Variants in ADGRD1 observed in about 807,000 individuals in gnomAD.
ADGRD1 encodes G-protein coupled receptor 133.
In ADGRD1, 77 loss-of-function variants were observed where a neutral mutation model predicts 113.4. That is an observed-to-expected ratio of 0.68 (90% CI 0.57 to 0.82). The LOEUF (loss-of-function observed/expected upper bound fraction) is 0.82. Among genes scored for constraint, ADGRD1 ranks in the 40% least tolerant of loss-of-function variants. The pLI is 0.00. For synonymous variants in ADGRD1, 474 were observed against 475.0 expected, an observed-to-expected ratio of 1.00 and a Z score of 0.03; for missense variants, 1,036 against 1,139.1, an observed-to-expected ratio of 0.91 and a Z score of 1.30.
intron 18 of ADGRD1, among the ~76,000 whole-genome samples, chr12:131,110,705 T>G (rs1005486880): frequency 2.6e-5 from 4 of 152,244 alleles, no homozygotes; most frequent in African/African-American, 9.6e-5. Flanking sequence ...TCTGGTGGTG[T>G]TGCTTGCTAT....
intron 15 of ADGRD1, among the ~76,000 whole-genome samples, chr12:131,101,083 C>T (rs767730951): frequency 4.6e-5 from 7 of 152,140 alleles, no homozygotes; most frequent in African/African-American, 7.2e-5. Context: ...CAGGGCTTCC[C>T]GTGTCCCTGG....
At position 131,084,859 on chromosome 12, in the gene ADGRD1, A is replaced by G. The variant is rs1886343723; in HGVS notation, c.1671+196A>G. Among the ~76,000 whole-genome samples the G allele has an allele frequency of 6.6e-6, 1 of 152,190 alleles. No individual in the cohort carries two copies. Among genetic ancestry groups the G allele is most frequent in the Non-Finnish European group, 1.5e-5 (1 of 68,034 alleles). ...CTGCATGTATTGGGTGCCAGCAAATATCCGAGGAGCCCATGATTGTGTAAA... is the reference window on the plus strand; with the variant it reads ...CTGCATGTATTGGGTGCCAGCAAATGTCCGAGGAGCCCATGATTGTGTAAA... On this transcript the variant is annotated intron_variant, in intron 15 of 24. Transcript: ENST00000261654. The surrounding 1 kb of genome is among the most constrained non-coding windows in gnomAD (Gnocchi z 4.5).
chr12:131,098,809 C>T (rs1023918701), intron 15 of ADGRD1, among the ~76,000 whole-genome samples: 1 of 152,342 alleles, frequency 6.6e-6, no homozygotes, highest in African/African-American at 2.4e-5. Flanking sequence ...TCACCCGCTT[C>T]CCCACTGCAA....
At position 130,971,665 on chromosome 12, in the gene ADGRD1, C is replaced by T. The variant is rs2136536118; in HGVS notation, c.310+85C>T. On this transcript the variant is annotated intron_variant, in intron 4 of 24. Transcript: ENST00000261654. This position sits in a 1 kb window ranked among gnomAD's most constrained non-coding sequence, Gnocchi z 4.2. Reference sequence around the variant, plus strand: ...TCCTCTGGTGACTGGAAGATGTGAACCTGAGGTTCTCATCAATTGCAGAAT... The same window carrying T: ...TCCTCTGGTGACTGGAAGATGTGAATCTGAGGTTCTCATCAATTGCAGAAT... 7.1e-7 allele frequency: 1 copy of T among 1,414,936 alleles called. No homozygotes were observed. Among genetic ancestry groups the T allele is most frequent in the East Asian group, 2.4e-5 (1 of 41,116 alleles). 87.6% of individuals were successfully genotyped at this position (1,414,936 alleles called of 1,614,324 possible). A position where few individuals can be genotyped will look rare whatever the true frequency, so the allele number is the denominator to read the frequency against.
chr12:130,959,380 T>C (rs1870084323), intron 2 of ADGRD1, among the ~76,000 whole-genome samples: 1 of 152,174 alleles, frequency 6.6e-6, no homozygotes, highest in African/African-American at 2.4e-5. Flanking sequence ...AAGACCAGCC[T>C]GGGCAACATA....
intron 20 of ADGRD1, among the ~76,000 whole-genome samples, chr12:131,123,067 T>G (rs1342388521): frequency 7.2e-6 from 1 of 138,626 alleles, no homozygotes; most frequent in Non-Finnish European, 1.5e-5. Flanking sequence ...TTTTTTTTTT[T>G]TTTTTTGCGA....
intron 15 of ADGRD1, among the ~76,000 whole-genome samples, chr12:131,101,496 T>G (rs1950086795): frequency 1.4e-5 from 2 of 146,092 alleles, no homozygotes; most frequent in Middle Eastern, 3.5e-3. Context: ...CAAGTGATTC[T>G]CCTGCCTCAG....
At chr12:131,037,039 T>TG (rs1416086500) in intron 13 of ADGRD1, among the ~76,000 whole-genome samples, 1 of 121,138 alleles carries the variant, frequency 8.3e-6, no homozygotes, top group Non-Finnish European at 1.7e-5. Flanking sequence ...ACTCACTGCA[T>TG]GGGGCCTCAC....
At chr12:131,007,643 G>C (rs980585384) in intron 12 of ADGRD1, among the ~76,000 whole-genome samples, 7 of 152,224 alleles carry the variant, frequency 4.6e-5, no homozygotes, top group African/African-American at 9.6e-5. Context: ...AGCTAACTCT[G>C]ACGTCCCCCT....
At chr12:130,955,884 G>C (rs989611532) in intron 2 of ADGRD1, among the ~76,000 whole-genome samples, 3 of 152,200 alleles carry the variant, frequency 2.0e-5, no homozygotes, top group African/African-American at 7.2e-5. Context: ...TGCCTCCCGG[G>C]TTCAAGCGAT....
intron 13 of ADGRD1, among the ~76,000 whole-genome samples, chr12:131,049,434 C>G (rs1428754907): frequency 6.6e-6 from 1 of 152,260 alleles, no homozygotes; most frequent in Non-Finnish European, 1.5e-5. Flanking sequence ...GATCTCCATG[C>G]CTACTTTTCC....
chr12:130,992,532 A>C, intron 8 of ADGRD1, 140 bp downstream of exon 8: 1 of 714,958 alleles, frequency 1.4e-6, no homozygotes, highest in Non-Finnish European at 2.3e-6. Flanking sequence ...GCTTCTCATG[A>C]ACAACCAGCT....
chr12:131,127,281 C>T (rs1050918584), intron 20 of ADGRD1, among the ~76,000 whole-genome samples: 25 of 152,224 alleles, frequency 1.6e-4, no homozygotes, highest in Admixed American at 2.6e-4. Context: ...ATTAATCACT[C>T]GTAGTGTTTC....
Position 130,971,313 on chromosome 12 carries a change from G to T in ADGRD1, c.188-145G>T, listed in dbSNP as rs1871615397. On this transcript the variant is annotated intron_variant, in intron 3 of 24. Coordinates refer to ENST00000261654, the MANE Select transcript of ADGRD1 (RefSeq NM_198827.5). The surrounding 1 kb of genome is among the most constrained non-coding windows in gnomAD (Gnocchi z 4.2). ...TACTGATGCTATGAATATTATCATA[G>T]AATAATATATGATGTTATAAATATA... 5.2e-6 allele frequency: 2 copies of T among 386,966 alleles called. No individual in the cohort carries two copies. The highest frequency in any genetic ancestry group is 2.1e-5 in the African/African-American group (1 of 46,928). 24.0% of individuals were successfully genotyped at this position (386,966 alleles called of 1,614,324 possible).
intron 13 of ADGRD1, among the ~76,000 whole-genome samples, chr12:131,053,855 C>T (rs896734666): frequency 2.0e-5 from 3 of 152,144 alleles, no homozygotes; most frequent in African/African-American, 7.2e-5. Flanking sequence ...ACCGATAGCC[C>T]ACCAGTGTAG....
rs1445350516 is a variant in ADGRD1, at chr12:130,971,983, C to T, written c.310+403C>T. On this transcript the variant is annotated intron_variant, in intron 4 of 24. Transcript: ENST00000261654. This position sits in a 1 kb window ranked among gnomAD's most constrained non-coding sequence, Gnocchi z 4.2. ...GGATGTTGACGGTGAGCGGGCAGGG[C>T]ATACCCAAGAACACTTGCGCCTGGT... 1.3e-5 allele frequency among the ~76,000 whole-genome samples: 2 copies of T among 152,172 alleles called. No homozygotes were observed. The highest frequency in any genetic ancestry group is 2.9e-5 in the Non-Finnish European group (2 of 68,036).
intron 18 of ADGRD1, among the ~76,000 whole-genome samples, chr12:131,115,579 C>T (rs1455935084): frequency 1.3e-5 from 2 of 152,170 alleles, no homozygotes; most frequent in Non-Finnish European, 2.9e-5. Flanking sequence ...CTCACCTGCC[C>T]CTCAATCTTA....
intron 2 of ADGRD1, among the ~76,000 whole-genome samples, chr12:130,959,159 T>C (rs1383028217): frequency 6.6e-6 from 1 of 152,238 alleles, no homozygotes; most frequent in African/African-American, 2.4e-5. Context: ...GCCAGCCTAC[T>C]TTCCACCACG....
chr12:131,076,546 G>A (rs1171652624), intron 13 of ADGRD1, among the ~76,000 whole-genome samples: 2 of 152,034 alleles, frequency 1.3e-5, no homozygotes, highest in Non-Finnish European at 2.9e-5. Flanking sequence ...GTCCTAGGAG[G>A]AGGAGTGTCC....
Sources: gnomAD v4.1 joint callset for allele counts (sites outside exome capture counted in the v4.1 genomes callset) on GRCh38, gnomAD v4.1.1 for gene constraint, Gnocchi (gnomAD v3.1) non-coding constraint, MANE v1.5 for transcripts, NCBI Gene and HGNC (gene_info 2026-07-23, HGNC 2026-07-21) for gene names.